The following EFNA5 variants were observed in gnomAD, a reference collection of about 807,000 sequenced individuals.
EFNA5 encodes the protein ephrin-A5.
EFNA5 carries 5 observed loss-of-function variants against 22.9 expected under a neutral mutation model. The ratio of observed to expected loss-of-function variants is 0.22; its 90% CI spans 0.11 to 0.46. The LOEUF is 0.46. Ranked by LOEUF, EFNA5 falls within the 20% of genes least tolerant of loss-of-function variation. EFNA5 has a pLI of 0.99. For synonymous variants in EFNA5, 113 were observed against 112.2 expected, an observed-to-expected ratio of 1.01 and a Z score of -0.04; for missense variants, 237 against 293.3, an observed-to-expected ratio of 0.81 and a Z score of 1.40.
At chr5:107,517,173 A>T (rs542404470) in intron 1 of EFNA5, among the ~76,000 whole-genome samples, 59 of 151,974 alleles carry the variant, frequency 3.9e-4, no homozygotes, top group Middle Eastern at 3.4e-3. Context: ...AAAAAAAAAG[A>T]TGGAAAAAAG....
At chr5:107,543,916 C>T (rs60575744) in intron 1 of EFNA5, among the ~76,000 whole-genome samples, 9,103 of 152,080 alleles carry the variant, frequency 0.06, 837 homozygotes, top group African/African-American at 0.2. Context: ...AGATTAAAAC[C>T]AAAATCAAAA....
rs1223835872 is a variant in EFNA5, at chr5:107,436,062, A to G, written c.126-8553T>C. Among the ~76,000 whole-genome samples the G allele has an allele frequency of 3.9e-5, 6 of 152,374 alleles. No homozygotes were observed. The South Asian group carries it at 6.2e-4, about 16-fold the overall frequency. On this transcript the variant is annotated intron_variant, in intron 1 of 4. Transcript: ENST00000333274. ...TCCCACAATACTAATTACTCATATCAGATAGATAGATAAAATTCACATAGC... is the reference window on the plus strand; with the variant it reads ...TCCCACAATACTAATTACTCATATCGGATAGATAGATAAAATTCACATAGC...
intron 1 of EFNA5, among the ~76,000 whole-genome samples, chr5:107,469,617 A>C (rs1750084896): frequency 6.6e-6 from 1 of 152,046 alleles, no homozygotes. Context: ...TTCAACACTC[A>C]AACAGGATGT....
chr5:107,622,957 C>T (rs1399714617), intron 1 of EFNA5, among the ~76,000 whole-genome samples: 1 of 128,656 alleles, frequency 7.8e-6, no homozygotes, highest in East Asian at 2.5e-4. Flanking sequence ...GGAAGCGGAG[C>T]TTGCAGTGAG....
At chr5:107,508,322 T>C (rs1395062619) in intron 1 of EFNA5, among the ~76,000 whole-genome samples, 1 of 152,228 alleles carries the variant, frequency 6.6e-6, no homozygotes, top group Non-Finnish European at 1.5e-5. Flanking sequence ...GTGAACACCG[T>C]AGGTCCTCAC....
In EFNA5 at chr5:107,476,047, T is replaced by TATATATATATGTATAC. The variant is rs1491104554; in HGVS notation, c.126-48539_126-48538insGTATACATATATATAT. On this transcript the variant is annotated intron_variant, in intron 1 of 4. Coordinates refer to ENST00000333274, the MANE Select transcript of EFNA5 (RefSeq NM_001962.3). ...CAAGGTGGCTTGAGAGTTTTTAAAC[T>TATATATATATGTATAC]ATATATATATTTTTTTTTTTTGAGA... 4.9e-4 allele frequency among the ~76,000 whole-genome samples: 49 copies of TATATATATATGTATAC among 100,942 alleles called. 2 individuals carry two copies. Among genetic ancestry groups the TATATATATATGTATAC allele is most frequent in the Middle Eastern group, 4.2e-3 (1 of 236 alleles). 66.2% of individuals were successfully genotyped at this position (100,942 alleles called of 152,430 possible).
intron 1 of EFNA5, among the ~76,000 whole-genome samples, chr5:107,505,832 C>G (rs1747239846): frequency 6.6e-6 from 1 of 151,696 alleles, no homozygotes; most frequent in Admixed American, 6.6e-5. Flanking sequence ...CTTTTTCTCT[C>G]CCCCCCACCT....
chr5:107,469,893 CTCTT>C (rs1249818224), intron 1 of EFNA5, among the ~76,000 whole-genome samples: 3 of 152,166 alleles, frequency 2.0e-5, no homozygotes, highest in East Asian at 3.8e-4. Context: ...TCAAATTATT[CTCTT>C]TAACAACTCT....
At chr5:107,481,296 C>G (rs1044183429) in intron 1 of EFNA5, among the ~76,000 whole-genome samples, 3 of 152,188 alleles carry the variant, frequency 2.0e-5, no homozygotes, top group Non-Finnish European at 4.4e-5. Flanking sequence ...TGGATGAGAA[C>G]TGAACTTAAC....
intron 1 of EFNA5, among the ~76,000 whole-genome samples, chr5:107,437,785 G>C (rs906218267): frequency 4.6e-5 from 7 of 152,218 alleles, no homozygotes; most frequent in African/African-American, 1.7e-4. Flanking sequence ...TGTGTTCTGG[G>C]TCCCAGTATA....
At chr5:107,390,819 A>G (rs1180937128) in intron 2 of EFNA5, among the ~76,000 whole-genome samples, 1 of 152,210 alleles carries the variant, frequency 6.6e-6, no homozygotes, top group Non-Finnish European at 1.5e-5. Context: ...ATAAAAATCC[A>G]TTACATATTA....
At chr5:107,522,599 C>T (rs59747234) in intron 1 of EFNA5, among the ~76,000 whole-genome samples, 6,421 of 152,120 alleles carry the variant, frequency 0.042, 425 homozygotes, top group African/African-American at 0.14. Context: ...TTTTTAGAGA[C>T]ACGATCTCAC....
At chr5:107,420,291 C>G (rs1357329218) in intron 2 of EFNA5, among the ~76,000 whole-genome samples, 3 of 151,994 alleles carry the variant, frequency 2.0e-5, no homozygotes, top group Non-Finnish European at 4.4e-5. Flanking sequence ...AAATGCAAAA[C>G]TTTTTGGACT....
At chr5:107,432,093 G>A (rs977024957) in intron 1 of EFNA5, among the ~76,000 whole-genome samples, 1 of 152,146 alleles carries the variant, frequency 6.6e-6, no homozygotes, top group Non-Finnish European at 1.5e-5. Flanking sequence ...TTGCAACAAG[G>A]TGTCCCAGCC....
intron 1 of EFNA5, among the ~76,000 whole-genome samples, chr5:107,645,015 A>C (rs181085155): frequency 4.6e-5 from 7 of 152,122 alleles, no homozygotes; most frequent in African/African-American, 1.7e-4. Context: ...CTGTTTTTCA[A>C]ATTTTAAGTT....
intron 1 of EFNA5, among the ~76,000 whole-genome samples, chr5:107,559,744 G>A (rs1359118736): frequency 1.3e-5 from 2 of 152,188 alleles, no homozygotes; most frequent in African/African-American, 2.4e-5. Context: ...GGTGCTAGGA[G>A]TAAAATTGCT....
intron 1 of EFNA5, among the ~76,000 whole-genome samples, chr5:107,470,562 A>C (rs1288632544): frequency 6.6e-6 from 1 of 152,244 alleles, no homozygotes; most frequent in Non-Finnish European, 1.5e-5. Context: ...TCAGTTGCTG[A>C]AGTTTTCTCC....
intron 1 of EFNA5, among the ~76,000 whole-genome samples, chr5:107,664,988 T>C (rs1320135240): frequency 6.6e-6 from 1 of 152,152 alleles, no homozygotes; most frequent in Middle Eastern, 3.4e-3. Context: ...TTATAAAAAA[T>C]TTTTAAATTT....
chr5:107,660,288 ATATATATATATATATATAT>A (rs1380073159), intron 1 of EFNA5, among the ~76,000 whole-genome samples: 1 of 112,008 alleles, frequency 8.9e-6, no homozygotes, highest in Non-Finnish European at 1.9e-5. Flanking sequence ...ATATATATAT[ATATATATATATATATATAT>A]ATATATATTT....
Sources: allele counts gnomAD v4.1 joint callset (sites outside exome capture counted in the v4.1 genomes callset), GRCh38; gene constraint gnomAD v4.1.1; transcripts MANE v1.5; gene names NCBI Gene and HGNC (gene_info 2026-07-23, HGNC 2026-07-21).